Variants in PCBP3 observed in about 807,000 individuals in gnomAD.
The protein encoded by PCBP3 is poly(rC)-binding protein 3.
A neutral mutation model predicts 52.7 loss-of-function variants in PCBP3; 25 were observed. The ratio of observed to expected loss-of-function variants is 0.47; its 90% confidence interval spans 0.35 to 0.66. The LOEUF (loss-of-function observed/expected upper bound fraction) is 0.66, where lower values mean the gene tolerates loss of function less well. PCBP3 is among the 30% of genes least tolerant of loss of function. The pLI, the probability that PCBP3 is intolerant of heterozygous loss-of-function variation, is 0.01. For synonymous variants in PCBP3, 162 were observed against 183.0 expected (o/e 0.89, Z 0.93); for missense variants, 391 against 490.3 (o/e 0.80, Z 1.91).
intron 2 of PCBP3, among the ~76,000 whole-genome samples, chr21:45,718,507 C>T (rs956189157): frequency 6.6e-6 from 1 of 152,032 alleles, no homozygotes; most frequent in Admixed American, 6.6e-5. Context: ...CGCTTCCATG[C>T]CAGCCAGGCT....
intron 4 of PCBP3, among the ~76,000 whole-genome samples, chr21:45,764,208 C>T (rs1344046512): frequency 1.3e-5 from 2 of 151,676 alleles, no homozygotes; most frequent in South Asian, 2.1e-4. Flanking sequence ...CCGCAACCTC[C>T]GCCTCCCGGG....
At chr21:45,738,257 GTT>G (rs1272471500) in intron 3 of PCBP3, among the ~76,000 whole-genome samples, 9 of 139,888 alleles carry the variant, frequency 6.4e-5, no homozygotes, top group Non-Finnish European at 7.8e-5. Context: ...GCTTCTTAGA[GTT>G]TTTTTTTTTT....
At chr21:45,839,155 A>G (rs2093649128) in intron 4 of PCBP3, among the ~76,000 whole-genome samples, 1 of 152,078 alleles carries the variant, frequency 6.6e-6, no homozygotes, top group South Asian at 2.1e-4. Flanking sequence ...ATCACTCTCT[A>G]TATAATTCAC....
chr21:45,684,225 C>G (rs2147620145), intron 2 of PCBP3, among the ~76,000 whole-genome samples: 1 of 152,130 alleles, frequency 6.6e-6, no homozygotes, highest in South Asian at 2.1e-4. Flanking sequence ...GACCCTGTCT[C>G]TAAAAACAAA....
At chr21:45,693,584 GAACA>G (rs1386851516) in intron 2 of PCBP3, among the ~76,000 whole-genome samples, 2 of 151,844 alleles carry the variant, frequency 1.3e-5, no homozygotes, top group Admixed American at 1.3e-4. Flanking sequence ...AATTTGATGA[GAACA>G]AATATGATTA....
chr21:45,874,530 A>G (rs1376267768), intron 5 of PCBP3, among the ~76,000 whole-genome samples: 3 of 140,848 alleles, frequency 2.1e-5, no homozygotes, highest in African/African-American at 8.0e-5. Flanking sequence ...TTTGAGACAG[A>G]GTCTTGCTCT....
At chr21:45,932,125 AGGTG>A (rs2076291721) in intron 15 of PCBP3, among the ~76,000 whole-genome samples, 1 of 151,656 alleles carries the variant, frequency 6.6e-6, no homozygotes, top group Non-Finnish European at 1.5e-5. Context: ...TGCTGTCCTG[AGGTG>A]GATGAACACC....
At chr21:45,754,412 G>A (rs190429575) in intron 3 of PCBP3, among the ~76,000 whole-genome samples, 108 of 152,182 alleles carry the variant, frequency 7.1e-4, no homozygotes, top group Admixed American at 2.0e-3. Flanking sequence ...TCAGCGTCTC[G>A]TTTCTTTTGC....
chr21:45,921,166 T>TGGTATTTAGTAGAAATTTTTAAAGCATC (rs372785305), intron 13 of PCBP3, among the ~76,000 whole-genome samples: 28,125 of 149,212 alleles, frequency 0.19, 3,630 homozygotes, highest in Non-Finnish European at 0.27. Flanking sequence ...TATCTGAGCT[T>TGGTATTTAGTAGAAATTTTTAAAGCATC]GGTATTTAGT....
At chr21:45,863,914 C>T (rs1484747276) in intron 5 of PCBP3, among the ~76,000 whole-genome samples, 1 of 152,110 alleles carries the variant, frequency 6.6e-6, no homozygotes, top group Non-Finnish European at 1.5e-5. Context: ...GTGCACGATG[C>T]GTTACGATGA....
chr21:45,776,739 G>T (rs777605043), intron 4 of PCBP3, among the ~76,000 whole-genome samples: 1 of 151,616 alleles, frequency 6.6e-6, no homozygotes, highest in Non-Finnish European at 1.5e-5. Context: ...CTTTAATTTC[G>T]GTTCATATGT....
At chr21:45,782,847 C>T (rs895503111) in intron 4 of PCBP3, among the ~76,000 whole-genome samples, 24 of 152,236 alleles carry the variant, frequency 1.6e-4, no homozygotes, top group Admixed American at 1.3e-3. Flanking sequence ...AGCCGGCATA[C>T]GGCACAATCT....
rs80290240 is a variant in PCBP3 at position 45,779,139 on chromosome 21, C to T, written c.-126+23687C>T. Among the ~76,000 whole-genome samples the T allele has an allele frequency of 3.7e-3, 571 of 152,352 alleles. 2 individuals carry two copies. Among genetic ancestry groups the T allele is most frequent in the African/African-American group, 0.012 (490 of 41,572 alleles). ...GTAGCTGTTGGGCCCTAGGACATCACGCAGTCTGCCAAAGGCTAGGTTTGA... is the reference window on the plus strand; with the variant it reads ...GTAGCTGTTGGGCCCTAGGACATCATGCAGTCTGCCAAAGGCTAGGTTTGA... On this transcript the variant is annotated intron_variant, in intron 4 of 17. Transcript: ENST00000681687.
chr21:45,786,129 T>TAAA (rs57864348), intron 4 of PCBP3, among the ~76,000 whole-genome samples: 15 of 111,530 alleles, frequency 1.3e-4, no homozygotes, highest in African/African-American at 5.9e-4. Context: ...GAATGATCAA[T>TAAA]AAAAAAATAA....
rs112909468 is a variant in PCBP3, at chr21:45,931,826, A to G, written c.856+981A>G. Among the ~76,000 whole-genome samples the G allele has an allele frequency of 3.5e-3, 517 of 148,758 alleles. 1 individual carries two copies. Among genetic ancestry groups the G allele is most frequent in the African/African-American group, 0.011 (459 of 40,360 alleles). ...CCTGAGATGAATGAACACCTGGGCC[A>G]TGCCGTCCTGAAATGAATGAACACG... On this transcript the variant is annotated intron_variant, in intron 15 of 17. Coordinates refer to ENST00000681687, the MANE Select transcript of PCBP3 (RefSeq NM_001384156.1).
intron 1 of PCBP3, among the ~76,000 whole-genome samples, chr21:45,653,967 A>G (rs1429587877): frequency 1.3e-5 from 2 of 152,012 alleles, no homozygotes; most frequent in Non-Finnish European, 2.9e-5. Flanking sequence ...TTATACCTTT[A>G]TCTTTCTCCT....
chr21:45,897,516 G>A (rs1199690396), intron 6 of PCBP3, among the ~76,000 whole-genome samples: 1 of 152,186 alleles, frequency 6.6e-6, no homozygotes, highest in Non-Finnish European at 1.5e-5. Flanking sequence ...TCTATCCTCT[G>A]GGAGTCAGGT....
chr21:45,713,560 T>G (rs1453473730), intron 2 of PCBP3, among the ~76,000 whole-genome samples: 1 of 152,224 alleles, frequency 6.6e-6, no homozygotes, highest in African/African-American at 2.4e-5. Context: ...GATTTCTTCC[T>G]TACTTTGCAC....
rs181501795 is a variant in PCBP3 at position 45,838,258 on chromosome 21, G to T, written c.-125-11703G>T. Among the ~76,000 whole-genome samples the T allele has an allele frequency of 2.6e-3, 400 of 152,204 alleles. 1 individual carries two copies. The highest frequency in any genetic ancestry group is 9.0e-3 in the African/African-American group (375 of 41,544). On this transcript the variant is annotated intron_variant, in intron 4 of 17. Coordinates refer to ENST00000681687, the MANE Select transcript of PCBP3 (RefSeq NM_001384156.1). ...ACTCAAACTGTTCTGTAGTTTTTGG[G>T]CTCCCCTCGCTTTCTGATGTAACCA...
Sources: allele counts gnomAD v4.1 joint callset (sites outside exome capture counted in the v4.1 genomes callset), GRCh38; gene constraint gnomAD v4.1.1; transcripts MANE v1.5; gene names NCBI Gene and HGNC (gene_info 2026-07-23, HGNC 2026-07-21).